Variants in FRMD4A observed in about 807,000 individuals in gnomAD.
The protein encoded by FRMD4A is FERM domain-containing protein 4A.
A neutral mutation model predicts 129.1 loss-of-function variants in FRMD4A; 29 were observed. That is an observed-to-expected ratio of 0.22 (90% CI 0.17 to 0.31). The LOEUF (loss-of-function observed/expected upper bound fraction) is 0.31, where lower values mean the gene tolerates loss of function less well. FRMD4A is among the 10% of genes least tolerant of loss of function. FRMD4A has a pLI of 1.00. For missense variants in FRMD4A, 1,272 were observed against 1,375.8 expected (o/e 0.92, Z 1.19); for synonymous variants, 634 against 571.6 (o/e 1.11, Z -1.56).
chr10:13,925,566 CTTTTTTTT>C (rs66980805), intron 2 of FRMD4A, among the ~76,000 whole-genome samples: 13 of 61,942 alleles, frequency 2.1e-4, no homozygotes, highest in Admixed American at 5.2e-4. Context: ...TAGTGAAACG[CTTTTTTTT>C]TTTTTTTTTT....
chr10:13,788,319 A>G (rs960550662), intron 5 of FRMD4A, among the ~76,000 whole-genome samples: 2 of 152,218 alleles, frequency 1.3e-5, no homozygotes, highest in Non-Finnish European at 1.5e-5. Context: ...CCCATGCTGC[A>G]GAGCCCGCTG....
intron 2 of FRMD4A, among the ~76,000 whole-genome samples, chr10:14,259,772 C>T (rs573182398): frequency 6.6e-6 from 1 of 152,220 alleles, no homozygotes; most frequent in East Asian, 1.9e-4. Flanking sequence ...TTTTTCCATG[C>T]AGGGTAAGGG....
At chr10:13,987,483 C>A (rs552846260) in intron 2 of FRMD4A, among the ~76,000 whole-genome samples, 47 of 152,272 alleles carry the variant, frequency 3.1e-4, no homozygotes, top group Non-Finnish European at 2.6e-4. Context: ...ACATTAAAGT[C>A]ATTTCTTAAT....
rs1186550544 is a variant in FRMD4A at position 14,099,616 on chromosome 10, A to AT, written c.45+230441dup. On this transcript the variant is annotated intron_variant, in intron 2 of 24. Coordinates refer to ENST00000357447, the MANE Select transcript of FRMD4A (RefSeq NM_018027.5). ...ATATTTTTGATCCTCATTTTGGTTG[A>AT]TAAAAAAAAGCATGTGTAAGTGGAC... Among the ~76,000 whole-genome samples, 18 of 152,320 alleles carry AT rather than the reference A, an allele frequency of 1.2e-4. No homozygotes were observed. In the East Asian group the frequency reaches 3.1e-3, roughly 26 times the overall value.
intron 2 of FRMD4A, among the ~76,000 whole-genome samples, chr10:14,309,188 G>A (rs148535267): frequency 2.6e-5 from 4 of 152,142 alleles, no homozygotes; most frequent in Non-Finnish European, 5.9e-5. Flanking sequence ...GGTGGCTCAC[G>A]TCTGTAATCA....
chr10:13,690,988 T>G (rs565935629), intron 15 of FRMD4A, among the ~76,000 whole-genome samples: 12 of 151,992 alleles, frequency 7.9e-5, no homozygotes, highest in African/African-American at 2.4e-4. Context: ...TGGATTTCAT[T>G]TGTGTGTGTG....
At chr10:14,172,589 C>G (rs1462639384) in intron 2 of FRMD4A, among the ~76,000 whole-genome samples, 4 of 152,190 alleles carry the variant, frequency 2.6e-5, no homozygotes, top group African/African-American at 9.7e-5. Flanking sequence ...CACAATACTG[C>G]GATAGTTTGC....
At chr10:14,326,637 G>A (rs1234966372) in intron 2 of FRMD4A, 17 of 392,674 alleles carry the variant, frequency 4.3e-5, no homozygotes, top group East Asian at 2.9e-4. Flanking sequence ...TCTAAGAACC[G>A]AAATGGCATC....
rs138136478 is a variant in FRMD4A at position 14,052,210 on chromosome 10, G to A, written c.46-193298C>T. Among the ~76,000 whole-genome samples the A allele has an allele frequency of 5.2e-3, 792 of 152,216 alleles. 6 individuals carry two copies. The highest frequency in any genetic ancestry group is 0.01 in the Middle Eastern group (3 of 294). On this transcript the variant is annotated intron_variant, in intron 2 of 24. Transcript: ENST00000357447. Reference sequence around the variant, plus strand: ...GGTCTCCAGAGGGAACTAACCCTGAGGAGACCTTGACTTTCGACTTTCAGC... The same window carrying A: ...GGTCTCCAGAGGGAACTAACCCTGAAGAGACCTTGACTTTCGACTTTCAGC...
At chr10:13,709,547 AAT>A (rs200525923) in intron 12 of FRMD4A, among the ~76,000 whole-genome samples, 1,978 of 152,254 alleles carry the variant, frequency 0.013, 37 homozygotes, top group African/African-American at 0.045. Context: ...TAAAAAAAAA[AAT>A]ATGTGTGTGC....
chr10:14,084,650 C>T (rs1188204960), intron 2 of FRMD4A, among the ~76,000 whole-genome samples: 1 of 152,186 alleles, frequency 6.6e-6, no homozygotes, highest in Non-Finnish European at 1.5e-5. Flanking sequence ...CATACTCCTA[C>T]CTGCCTCCTT....
rs999541412 is a variant in FRMD4A at position 14,170,097 on chromosome 10, C to T, written c.45+159961G>A. ...AGTGACTTTAAGAGTTTCACATACT[C>T]TATACTAATTGCCCTAAGGAGCCAT... is the stretch of plus-strand genomic sequence containing the variant. On this transcript the variant is annotated intron_variant, in intron 2 of 24. Coordinates refer to ENST00000357447, the MANE Select transcript of FRMD4A (RefSeq NM_018027.5). Among the ~76,000 whole-genome samples, 3 of 152,164 alleles carry T rather than the reference C, an allele frequency of 2.0e-5. No individual in the cohort carries two copies. The South Asian group carries it at 6.2e-4, about 32-fold the overall frequency.
intron 2 of FRMD4A, among the ~76,000 whole-genome samples, chr10:14,044,498 C>T (rs931892859): frequency 2.0e-5 from 3 of 152,128 alleles, no homozygotes; most frequent in Non-Finnish European, 2.9e-5. Flanking sequence ...AGCCCTTCTA[C>T]GAAGAGTGAA....
At chr10:14,164,213 T>G (rs1260159847) in intron 2 of FRMD4A, among the ~76,000 whole-genome samples, 1 of 152,230 alleles carries the variant, frequency 6.6e-6, no homozygotes, top group Non-Finnish European at 1.5e-5. Flanking sequence ...TGAGTTTTCA[T>G]CCTGTATTTG....
chr10:13,663,323 G>A (rs1188884613), intron 19 of FRMD4A, 130 bp downstream of exon 19: 8 of 643,426 alleles, frequency 1.2e-5, no homozygotes, highest in Non-Finnish European at 2.0e-5. Context: ...AAATGAGAGA[G>A]CTTGCAGGGA....
intron 2 of FRMD4A, among the ~76,000 whole-genome samples, chr10:14,240,581 C>G (rs1026905877): frequency 3.3e-5 from 5 of 152,124 alleles, no homozygotes; most frequent in Non-Finnish European, 5.9e-5. Flanking sequence ...CCTGGAGATT[C>G]GGATCCCCTC....
intron 13 of FRMD4A, among the ~76,000 whole-genome samples, chr10:13,704,352 C>T (rs1029074410): frequency 7.9e-5 from 12 of 152,322 alleles, no homozygotes; most frequent in African/African-American, 2.6e-4. Context: ...CAGGCTAACT[C>T]AGTGTACTCA....
At chr10:14,033,816 G>T (rs1363279709) in intron 2 of FRMD4A, among the ~76,000 whole-genome samples, 3 of 144,086 alleles carry the variant, frequency 2.1e-5, no homozygotes, top group African/African-American at 7.7e-5. Context: ...GAGAGAGAAA[G>T]AAAAGAAAGA....
In FRMD4A at chr10:14,257,212, T is replaced by C. The variant is rs1217348756; in HGVS notation, c.45+72846A>G. ...TGGGCGTGGTGGCCAGTGCCCATAA[T>C]CCCAGCTAACCAGGAGGCTGAGGCA... is the stretch of plus-strand genomic sequence containing the variant. On this transcript the variant is annotated intron_variant, in intron 2 of 24. Transcript: ENST00000357447. 2.6e-5 allele frequency among the ~76,000 whole-genome samples: 4 copies of C among 152,098 alleles called. No homozygotes were observed. The East Asian group carries it at 5.8e-4, about 22-fold the overall frequency.
Sources: allele counts gnomAD v4.1 joint callset (sites outside exome capture counted in the v4.1 genomes callset), GRCh38; gene constraint gnomAD v4.1.1; transcripts MANE v1.5; gene names NCBI Gene and HGNC (gene_info 2026-07-23, HGNC 2026-07-21).